The following FBXL6 variants were observed in gnomAD, a reference collection of about 807,000 sequenced individuals.
FBXL6 encodes the protein F-box and leucine rich repeat protein 6, also known as F-box/LRR-repeat protein 6.
Under a neutral mutation model 53.3 loss-of-function variants are expected in FBXL6, and 50 were observed. That is an observed-to-expected ratio of 0.94 (90% confidence interval 0.75 to 1.19). FBXL6 has a LOEUF of 1.19. FBXL6 is among the 50% of genes most tolerant of loss of function. The pLI is 0.00. For missense variants in FBXL6, 815 were observed against 719.0 expected (o/e 1.13, Z -1.53); for synonymous variants, 405 against 322.9 (o/e 1.25, Z -2.73).
In FBXL6 at chr8:144,358,269, T is replaced by A; in HGVS notation, c.179A>T (p.Gln60Leu). 1 of 1,224,876 alleles carries A rather than the reference T, an allele frequency of 8.2e-7. No individual in the cohort carries two copies. The highest frequency in any genetic ancestry group is 1.6e-5 in the African/African-American group (1 of 64,148). 75.9% of individuals were successfully genotyped at this position (1,224,876 alleles called of 1,614,324 possible). ...GGGAGTGCGGCGGGAAGCGCGCCGC[T>A]GTGCGCGGGGCCGGGCGGGGCCGGG... Reference protein sequence around the residue: ...SEPGPARPRAQRRASRRTPRQ... With the variant: ...SEPGPARPRALRRASRRTPRQ... Residue 60 changes from glutamine to leucine, a missense_variant, in exon 1 of 9, where the codon CAG (glutamine) becomes CTG (leucine). Transcript: ENST00000331890.
At chr8:144,357,593 G>A (rs1586545406) in intron 2 of FBXL6, 35 bp downstream of exon 2, 1 of 1,606,674 alleles carries the variant, frequency 6.2e-7, no homozygotes, top group Non-Finnish European at 8.5e-7. Context: ...GAAGGAGCCT[G>A]GAGCCAGGGG....
intron 7 of FBXL6, 32 bp from the exon 8 acceptor site, chr8:144,356,246 G>A (rs1387939034): frequency 2.2e-6 from 2 of 910,526 alleles, no homozygotes; most frequent in African/African-American, 5.7e-5. Context: ...TAAGCTACAA[G>A]GTGACAAGGG....
At position 144,355,678 on chromosome 8, in the gene FBXL6, G is replaced by A. The variant is rs782080344; in HGVS notation, c.1473C>T (p.Ser491=). 3 of 1,610,574 alleles carry A rather than the reference G, an allele frequency of 1.9e-6. No individual in the cohort carries two copies. The highest frequency in any genetic ancestry group is 2.2e-5 in the South Asian group (2 of 90,948). ...GGCCCGGGCAGCCGCTGATCACAGA[G>A]CTGTGGGGAGGGCAGACCACAGGAA... is the stretch of plus-strand genomic sequence containing the variant. ...RGTRVTPSTV[S]SVISGCPGLL... Residue 491 remains serine, a splice_region_variant and synonymous_variant, in exon 9 of 9, where the codon AGC becomes AGT. Coordinates refer to ENST00000331890, the MANE Select transcript of FBXL6 (RefSeq NM_012162.4).
At position 144,356,656 on chromosome 8, in the gene FBXL6, T is replaced by C. The variant is rs1554852874; in HGVS notation, c.937A>G (p.Ser313Gly). ...TCGACAGGCAGCTGAAGGGGAATGC[T>C]ATTACGGTTGATGCCGGTGCTCACC... ...LEVSTGINRN[S>G]IPLQLPVEAL... The change falls in exon 6 of 9, where the codon AGC becomes GGC. Residue 313 changes from serine (S) to glycine (G), a missense_variant. By Grantham distance (56) the Ser-to-Gly change is moderately conservative (BLOSUM62 0). Coordinates refer to ENST00000331890, the MANE Select transcript of FBXL6 (RefSeq NM_012162.4). The C allele has an allele frequency of 6.2e-6, 10 of 1,612,748 alleles. No individual in the cohort carries two copies. In the East Asian group the frequency reaches 1.8e-4, roughly 29 times the overall value.
At chr8:144,355,841 G>C in intron 8 of FBXL6, 127 bp downstream of exon 8, 1 of 1,539,368 alleles carries the variant, frequency 6.5e-7, no homozygotes, top group Middle Eastern at 2.4e-4. Context: ...CCACGCAGGG[G>C]CTTGGACAGT....
In FBXL6 at chr8:144,357,463, C is replaced by T. The variant is rs782111638; in HGVS notation, c.615G>A (p.Lys205=). Residue 205 remains lysine (K), a synonymous_variant, in exon 3 of 9, where the codon AAG becomes AAA. Coordinates refer to ENST00000331890, the MANE Select transcript of FBXL6 (RefSeq NM_012162.4). The part of the protein sequence containing the change: ...QLQRLTLIHW[K]SQVHPVLKLV... ...CCTTCAACACGGGGTGTACCTGAGA[C>T]TTCCAGTGGATGAGGGTCAGCCTCT... The T allele has an allele frequency of 1.2e-6, 2 of 1,613,138 alleles. No individual in the cohort carries two copies. Among genetic ancestry groups the T allele is most frequent in the African/African-American group, 1.3e-5 (1 of 74,946 alleles).
Position 144,357,075 on chromosome 8 carries a change from C to A in FBXL6, c.686G>T (p.Gly229Val). The stretch of plus-strand genomic sequence containing the variant: ...AGCGTCAGCAGTCACACCGTGGCAG[C>A]CGGAGAGCTTGAGGAAAGTGAGCCG... Reference protein sequence around the residue: ...CPRLTFLKLSGCHGVTADALV... With the variant: ...CPRLTFLKLSVCHGVTADALV... The change falls in exon 4 of 9, where the codon GGC (glycine) becomes GTC (valine). Residue 229 changes from glycine (G) to valine (V), a missense_variant. Gly to Val is a moderately radical substitution (Grantham distance 109, BLOSUM62 -3). Coordinates refer to ENST00000331890, the MANE Select transcript of FBXL6 (RefSeq NM_012162.4). 6.2e-7 allele frequency: 1 copy of A among 1,612,980 alleles called. No individual in the cohort carries two copies. The highest frequency in any genetic ancestry group is 1.1e-5 in the South Asian group (1 of 91,088).
In FBXL6 at chr8:144,358,435, C is replaced by G. The variant is rs782648310; in HGVS notation, c.13G>C (p.Ala5Pro). MAAP[A>P]SRQVRRRARA... The stretch of plus-strand genomic sequence containing the variant: ...GCTCTGCGTCGGACCTGCCGGGAGG[C>G]TGGGGCAGCCATGACCACCGACGGC... Residue 5 changes from alanine (A) to proline (P), a missense_variant, in exon 1 of 9, where the codon GCC (alanine) becomes CCC (proline). Coordinates refer to ENST00000331890, the MANE Select transcript of FBXL6 (RefSeq NM_012162.4). The G allele has an allele frequency of 3.0e-5, 37 of 1,243,438 alleles. No homozygotes were observed. Among genetic ancestry groups the G allele is most frequent in the East Asian group, 6.1e-5 (2 of 32,948 alleles). 77.0% of individuals were successfully genotyped at this position (1,243,438 alleles called of 1,614,324 possible).
chr8:144,356,769 G>A, intron 5 of FBXL6, 39 bp downstream of exon 5: 2 of 1,611,534 alleles, frequency 1.2e-6, no homozygotes, highest in Admixed American at 1.7e-5. Flanking sequence ...GCAGTCCCCA[G>A]CTCAGCATCT....
intron 1 of FBXL6, 59 bp from the exon 2 acceptor site, chr8:144,357,845 AGCGCAGTAGACACCCCG>A: frequency 6.9e-7 from 1 of 1,451,944 alleles, no homozygotes; most frequent in Non-Finnish European, 9.0e-7. Context: ...CCCCTCTCGC[AGCGCAGTAGACACCCCG>A]GCTCAAAGCC....
At position 144,356,358 on chromosome 8, in the gene FBXL6, C is replaced by T; in HGVS notation, c.1167G>A (p.Leu389=). 1 of 1,241,024 alleles carries T rather than the reference C, an allele frequency of 8.1e-7. No homozygotes were observed. Among genetic ancestry groups the T allele is most frequent in the Non-Finnish European group, 1.0e-6 (1 of 985,166 alleles). 76.9% of individuals were successfully genotyped at this position (1,241,024 alleles called of 1,614,324 possible). The change falls in exon 7 of 9, where the codon CTG becomes CTA. Residue 389 remains leucine, a synonymous_variant. Transcript: ENST00000331890. The part of the protein sequence containing the change: ...LLHGSPNLRL[L]DLRGCARITP... ...TGATGCGCGCACAGCCACGAAGATC[C>T]AGTAAGCGCAGGTTGGGAGAGCCGT... is the stretch of plus-strand genomic sequence containing the variant.
intron 7 of FBXL6, 42 bp from the exon 8 acceptor site, chr8:144,356,256 G>A (rs1554852757): frequency 2.5e-6 from 4 of 1,611,310 alleles, no homozygotes; most frequent in Admixed American, 3.3e-5. Context: ...GGTGACAAGG[G>A]CCCCCACACC....
rs1554852784 is a variant in FBXL6, at chr8:144,356,389, A to AGGC, written c.1133_1135dup (p.Arg378dup). 1 of 1,471,128 alleles carries AGGC rather than the reference A, an allele frequency of 6.8e-7. No individual in the cohort carries two copies. The allele number at this position is 1,471,128 out of a possible 1,614,324, so 91.1% of individuals were successfully genotyped here. A position where few individuals can be genotyped will look rare whatever the true frequency, so the allele number is the denominator to read the frequency against. ...GCGCAGGTTGGGAGAGCCGTGGAGTAGGCGGCCCAGGACCTCGTTGCTCAC... is the reference window on the plus strand; with the variant it reads ...GCGCAGGTTGGGAGAGCCGTGGAGTAGGCGGCGGCCCAGGACCTCGTTGCTCAC... On this transcript the variant is annotated inframe_insertion, in exon 7 of 9. Coordinates refer to ENST00000331890, the MANE Select transcript of FBXL6 (RefSeq NM_012162.4).
chr8:144,356,418 G>A lies in FBXL6; in HGVS notation c.1107C>T (p.Asn369=), dbSNP rs782626427. 3.7e-6 allele frequency: 6 copies of A among 1,612,978 alleles called. No individual in the cohort carries two copies. The African/African-American group carries it at 8.0e-5, about 22-fold the overall frequency. The stretch of plus-strand genomic sequence containing the variant: ...GGCCCAGGACCTCGTTGCTCACAAA[G>A]TTGCAGGTTGAGCTCGCCAGGCAGA... ...EELCLASSTC[N]FVSNEVLGRL... is the part of the protein sequence containing the mutation. Residue 369 remains asparagine (N), a synonymous_variant, in exon 7 of 9, where the codon AAC becomes AAT. Coordinates refer to ENST00000331890, the MANE Select transcript of FBXL6 (RefSeq NM_012162.4).
chr8:144,358,228 C>T lies in FBXL6; in HGVS notation c.220G>A (p.Gly74Ser), dbSNP rs1818563726. The T allele has an allele frequency of 8.3e-7, 1 of 1,207,860 alleles. No individual in the cohort carries two copies. Among genetic ancestry groups the T allele is most frequent in the Non-Finnish European group, 1.0e-6 (1 of 972,450 alleles). The allele number at this position is 1,207,860 out of a possible 1,614,324, so 74.8% of individuals were successfully genotyped here. A position where few individuals can be genotyped will look rare whatever the true frequency, so the allele number is the denominator to read the frequency against. ...SRRTPRQPPR[G>S]PSAAAKPKAG... ...TTGGGCTTGGCCGCGGCGCTGGGGC[C>T]CCGGGGCGGCTGCCGGGGAGTGCGG... The change falls in exon 1 of 9, where the codon GGC (glycine) becomes AGC (serine). Residue 74 changes from glycine (G) to serine (S), a missense_variant. Coordinates refer to ENST00000331890, the MANE Select transcript of FBXL6 (RefSeq NM_012162.4).
intron 8 of FBXL6, 113 bp downstream of exon 8, chr8:144,355,855 C>T: frequency 6.4e-7 from 1 of 1,550,706 alleles, no homozygotes; most frequent in Non-Finnish European, 8.7e-7. Context: ...GGACAGTATG[C>T]ATGCCCCTCT....
In FBXL6 at chr8:144,356,125, A is replaced by G. The variant is rs139662377; in HGVS notation, c.1315T>C (p.Cys439Arg). The change falls in exon 8 of 9, where the codon TGC (cysteine) becomes CGC (arginine). Residue 439 changes from cysteine (C) to arginine (R), a missense_variant. Physicochemically the swap from Cys to Arg is radical, Grantham distance 180. Transcript: ENST00000331890. Reference sequence around the variant, plus strand: ...AAGTCCAGTTCTCGCAGTGTATGGCACCACTTCTGGGTCAAAAAGGGGCTG... The same window carrying G: ...AAGTCCAGTTCTCGCAGTGTATGGCGCCACTTCTGGGTCAAAAAGGGGCTG... ...EGSPFLTQKW[C>R]HTLRELDLSG... 188 of 1,612,958 alleles carry G rather than the reference A, an allele frequency of 1.2e-4. No individual in the cohort carries two copies. The African/African-American group carries it at 2.1e-3, about 18-fold the overall frequency.
chr8:144,356,940 C>T (rs1554852979), intron 4 of FBXL6, 25 bp from the exon 5 acceptor site: 4 of 1,613,040 alleles, frequency 2.5e-6, no homozygotes, highest in African/African-American at 2.7e-5. Flanking sequence ...CAAGAGCACC[C>T]GTCACCCCGG....
At chr8:144,357,266 C>T (rs1225822609) in intron 3 of FBXL6, 145 bp from the exon 4 acceptor site, 1 of 1,300,928 alleles carries the variant, frequency 7.7e-7, no homozygotes. Context: ...CTTGGGTGTC[C>T]CCGCCTCTGA....
Sources: allele counts gnomAD v4.1 joint callset, GRCh38; gene constraint gnomAD v4.1.1; transcripts MANE v1.5; gene names NCBI Gene and HGNC (gene_info 2026-07-23, HGNC 2026-07-21).